SEMA3E: variants seen among roughly 807,000 people sequenced by gnomAD.
SEMA3E encodes semaphorin-3E.
A neutral mutation model predicts 93.6 loss-of-function variants in SEMA3E; 49 were observed. The observed-to-expected ratio is 0.52, with a 90% CI of 0.42 to 0.66. The LOEUF is 0.66. Ranked by LOEUF, SEMA3E falls within the 30% of genes least tolerant of loss-of-function variation. SEMA3E has a pLI of 0.00. For missense variants in SEMA3E, 906 were observed against 964.8 expected, an observed-to-expected ratio of 0.94 and a Z score of 0.81; for synonymous variants, 363 against 330.7, an observed-to-expected ratio of 1.10 and a Z score of -1.06.
At chr7:83,597,290 G>T in intron 1 of SEMA3E, among the ~76,000 whole-genome samples, 1 of 152,064 alleles carries the variant, frequency 6.6e-6, no homozygotes, top group East Asian at 1.9e-4. Flanking sequence ...GGTCATGAAA[G>T]TCTCTGGTTA....
chr7:83,553,450 T>C (rs1791812884), intron 1 of SEMA3E, among the ~76,000 whole-genome samples: 1 of 152,200 alleles, frequency 6.6e-6, no homozygotes, highest in South Asian at 2.1e-4. Flanking sequence ...CAGATATAGA[T>C]ACATATATAC....
At chr7:83,572,783 T>A (rs1792314086) in intron 1 of SEMA3E, among the ~76,000 whole-genome samples, 1 of 152,144 alleles carries the variant, frequency 6.6e-6, no homozygotes, top group South Asian at 2.1e-4. Context: ...GGAAAGGATT[T>A]CCTATTCAAT....
chr7:83,385,390 T>C lies in SEMA3E; in HGVS notation c.1779A>G (p.Ile593Met). Residue 593 changes from isoleucine (I) to methionine (M), a missense_variant, in exon 16 of 17, where the codon ATA (isoleucine) becomes ATG (methionine). Transcript: ENST00000643230. ...ATTCCAGCAAAGTACTGTTGTTCTC[T>C]ATGCCATAAGCCAGATGTTCTTCAG... ...DKTEEHLAYG[I>M]ENNSTLLECT... The C allele has an allele frequency of 6.2e-7, 1 of 1,613,626 alleles. No homozygotes were observed. The highest frequency in any genetic ancestry group is 1.1e-5 in the South Asian group (1 of 91,080).
At chr7:83,404,102 T>C (rs1305948336) in intron 9 of SEMA3E, among the ~76,000 whole-genome samples, 1 of 151,998 alleles carries the variant, frequency 6.6e-6, no homozygotes, top group Non-Finnish European at 1.5e-5. Context: ...TCATGCAACA[T>C]ATGAATTATT....
intron 2 of SEMA3E, among the ~76,000 whole-genome samples, chr7:83,488,977 A>G (rs1302404717): frequency 1.3e-5 from 2 of 152,090 alleles, no homozygotes; most frequent in African/African-American, 4.8e-5. Context: ...TGTAGAAGTA[A>G]AGGAAAGAAG....
At chr7:83,385,773 C>T (rs933974132) in intron 15 of SEMA3E, among the ~76,000 whole-genome samples, 53 of 152,092 alleles carry the variant, frequency 3.5e-4, no homozygotes, top group African/African-American at 1.3e-3. Context: ...CACCAAAGCA[C>T]AGGACAAAAT....
chr7:83,570,232 G>C (rs903624041), intron 1 of SEMA3E, among the ~76,000 whole-genome samples: 1 of 152,156 alleles, frequency 6.6e-6, no homozygotes, highest in Non-Finnish European at 1.5e-5. Flanking sequence ...GCGTTAAGAA[G>C]AAAGTTCATA....
chr7:83,589,615 A>T, intron 1 of SEMA3E, among the ~76,000 whole-genome samples: 1 of 152,322 alleles, frequency 6.6e-6, no homozygotes, highest in East Asian at 1.9e-4. Context: ...ATAAATAAGA[A>T]TCAGATGAAA....
chr7:83,525,430 A>G (rs917740829), intron 1 of SEMA3E, among the ~76,000 whole-genome samples: 10 of 152,088 alleles, frequency 6.6e-5, no homozygotes, highest in Non-Finnish European at 1.2e-4. Flanking sequence ...AAAGTATTCA[A>G]TTACTTTATT....
At chr7:83,531,108 A>G (rs13247344) in intron 1 of SEMA3E, among the ~76,000 whole-genome samples, 101,683 of 151,796 alleles carry the variant, frequency 0.67, 34,772 homozygotes, top group South Asian at 0.85. Flanking sequence ...CTTAGTACAC[A>G]TTATCAATAA....
At chr7:83,573,564 CAGG>C (rs1309857973) in intron 1 of SEMA3E, among the ~76,000 whole-genome samples, 1 of 151,934 alleles carries the variant, frequency 6.6e-6, no homozygotes, top group Non-Finnish European at 1.5e-5. Flanking sequence ...ATAAAAATAA[CAGG>C]AGGATAAAGG....
chr7:83,554,793 G>A (rs867554055), intron 1 of SEMA3E, among the ~76,000 whole-genome samples: 1 of 151,966 alleles, frequency 6.6e-6, no homozygotes, highest in African/African-American at 2.4e-5. Context: ...TGGCTAACAC[G>A]GTGAAACCCC....
intron 7 of SEMA3E, 31 bp downstream of exon 7, chr7:83,407,066 T>C: frequency 3.7e-6 from 6 of 1,612,246 alleles, no homozygotes; most frequent in Non-Finnish European, 5.1e-6. Flanking sequence ...AATTGTGAGA[T>C]AAGCAAGCAT....
chr7:83,466,239 G>A (rs952058603), intron 4 of SEMA3E, among the ~76,000 whole-genome samples: 5 of 152,022 alleles, frequency 3.3e-5, no homozygotes, highest in African/African-American at 1.2e-4. Context: ...GTTCTTAGTG[G>A]GCAAATTAAG....
intron 1 of SEMA3E, among the ~76,000 whole-genome samples, chr7:83,554,242 T>C (rs1420093979): frequency 6.6e-6 from 1 of 152,192 alleles, no homozygotes; most frequent in Non-Finnish European, 1.5e-5. Flanking sequence ...TTACTGATTT[T>C]CTATTTAAAA....
chr7:83,411,145 A>G (rs1482060536), intron 5 of SEMA3E, among the ~76,000 whole-genome samples: 1 of 152,104 alleles, frequency 6.6e-6, no homozygotes, highest in African/African-American at 2.4e-5. Flanking sequence ...AACCAATGCT[A>G]TAAAATTAAC....
At chr7:83,490,446 A>C (rs1376073907) in intron 1 of SEMA3E, among the ~76,000 whole-genome samples, 172 bp from the exon 2 acceptor site, 3 of 152,090 alleles carry the variant, frequency 2.0e-5, no homozygotes, top group African/African-American at 4.8e-5. Context: ...ATATTTCATA[A>C]ATTTATGAAT....
intron 4 of SEMA3E, among the ~76,000 whole-genome samples, chr7:83,446,412 G>T (rs999468226): frequency 1.6e-4 from 25 of 152,188 alleles, no homozygotes; most frequent in Admixed American, 1.6e-3. Context: ...AATTATAAAG[G>T]TGAATACACA....
intron 1 of SEMA3E, among the ~76,000 whole-genome samples, chr7:83,627,554 A>G (rs1793695231): frequency 1.3e-5 from 2 of 151,390 alleles, no homozygotes; most frequent in Admixed American, 1.3e-4. Context: ...ACCATTATGT[A>G]ATGCCCTTCT....
Sources: allele counts gnomAD v4.1 joint callset (sites outside exome capture counted in the v4.1 genomes callset), GRCh38; gene constraint gnomAD v4.1.1; transcripts MANE v1.5; gene names NCBI Gene and HGNC (gene_info 2026-07-23, HGNC 2026-07-21).